Variants in COL28A1 observed in about 807,000 individuals in gnomAD.
COL28A1 encodes the protein collagen alpha-1(XXVIII) chain.
COL28A1 carries 161 observed loss-of-function variants against 150.2 expected under a neutral mutation model. The ratio of observed to expected loss-of-function variants is 1.07; its 90% CI spans 0.94 to 1.22. The LOEUF is 1.22. Ranked by LOEUF, COL28A1 falls within the 50% of genes most tolerant of loss-of-function variation. The probability of loss-of-function intolerance (pLI) is 0.00; values close to 1 mark genes in which losing one functional copy is unlikely to be tolerated. For synonymous variants in COL28A1, 552 were observed against 469.7 expected, an observed-to-expected ratio of 1.18 and a Z score of -2.26; for missense variants, 1,617 against 1,388.3, an observed-to-expected ratio of 1.16 and a Z score of -2.62.
In COL28A1 at chr7:7,358,090, G is replaced by A. The variant is rs1429092475; in HGVS notation, c.*543C>T. The A allele has an allele frequency of 3.9e-5, 6 of 152,270 alleles. No individual in the cohort carries two copies. The highest frequency in any genetic ancestry group is 7.3e-5 in the Non-Finnish European group (5 of 68,080). The allele number at this position is 152,270 out of a possible 1,614,324, so 9.4% of individuals were successfully genotyped here. ...CTCCCTATTACCACTTTCAGGGCAA[G>A]TGAGGCAAAAATCTAACTACCCTCA... On this transcript the variant is annotated 3_prime_UTR_variant, in exon 35 of 35. Coordinates refer to ENST00000399429, the MANE Select transcript of COL28A1 (RefSeq NM_001037763.3).
chr7:7,368,891 C>T (rs1583226303), intron 33 of COL28A1, among the ~76,000 whole-genome samples: 2 of 152,204 alleles, frequency 1.3e-5, no homozygotes, highest in Admixed American at 6.5e-5. Context: ...CTCTGTGCTT[C>T]CTTCATAGCT....
At chr7:7,508,885 G>C (rs1489697875) in intron 9 of COL28A1, among the ~76,000 whole-genome samples, 5 of 151,974 alleles carry the variant, frequency 3.3e-5, no homozygotes, top group Admixed American at 2.6e-4. Context: ...CCAGGCTGGA[G>C]TGCAATGGCA....
intron 25 of COL28A1, among the ~76,000 whole-genome samples, chr7:7,427,046 C>T (rs953412725): frequency 6.6e-6 from 1 of 152,128 alleles, no homozygotes; most frequent in African/African-American, 2.4e-5. Flanking sequence ...CATGTGTCTC[C>T]AGGGCTGAAG....
intron 27 of COL28A1, among the ~76,000 whole-genome samples, chr7:7,394,499 T>C (rs1234279136): frequency 1.3e-5 from 2 of 152,238 alleles, no homozygotes; most frequent in African/African-American, 4.8e-5. Flanking sequence ...ATTTAACTTA[T>C]TCTTAAATTC....
intron 3 of COL28A1, among the ~76,000 whole-genome samples, chr7:7,525,696 C>T (rs1415798816): frequency 6.6e-6 from 1 of 152,116 alleles, no homozygotes; most frequent in Admixed American, 6.5e-5. Flanking sequence ...CAAACTAATA[C>T]TATAGAGGGA....
intron 30 of COL28A1, among the ~76,000 whole-genome samples, chr7:7,380,121 C>T (rs1011389635): frequency 4.6e-5 from 7 of 152,146 alleles, no homozygotes; most frequent in African/African-American, 1.4e-4. Context: ...GCCTTCCACT[C>T]ATGAGACTTT....
At chr7:7,503,370 A>C (rs1780639348) in intron 11 of COL28A1, among the ~76,000 whole-genome samples, 1 of 152,246 alleles carries the variant, frequency 6.6e-6, no homozygotes, top group Non-Finnish European at 1.5e-5. Context: ...CTTATACATA[A>C]TAAATATACA....
At chr7:7,349,905 T>C in the COL28A1 span, among the ~76,000 whole-genome samples, 2 of 152,076 alleles carry the variant, frequency 1.3e-5, no homozygotes, top group Non-Finnish European at 2.9e-5. Context: ...GGGAAATGAA[T>C]AGTGCTCTCA....
At chr7:7,459,976 T>TA (rs1787480554) in intron 15 of COL28A1, among the ~76,000 whole-genome samples, 1 of 152,244 alleles carries the variant, frequency 6.6e-6, no homozygotes, top group African/African-American at 2.4e-5. Context: ...CTGCTACTTC[T>TA]ATCAGTTATG....
chr7:7,378,735 G>A (rs554282088), intron 30 of COL28A1, among the ~76,000 whole-genome samples: 17 of 152,268 alleles, frequency 1.1e-4, no homozygotes, highest in South Asian at 6.2e-4. Context: ...GACTTTGGGC[G>A]TAATGTCCAA....
intron 13 of COL28A1, among the ~76,000 whole-genome samples, chr7:7,484,456 A>T (rs545912245): frequency 1.3e-5 from 2 of 152,322 alleles, no homozygotes; most frequent in South Asian, 4.1e-4. Flanking sequence ...AGCCAAGAAG[A>T]AAAGAGAAAT....
intron 18 of COL28A1, among the ~76,000 whole-genome samples, chr7:7,448,895 C>T (rs1280963759): frequency 6.6e-6 from 1 of 151,912 alleles, no homozygotes; most frequent in Non-Finnish European, 1.5e-5. Flanking sequence ...GCAAACTAGT[C>T]TATGATGACA....
the COL28A1 span, among the ~76,000 whole-genome samples, chr7:7,543,083 AAAT>A: frequency 3.9e-5 from 6 of 152,228 alleles, no homozygotes; most frequent in Non-Finnish European, 5.9e-5. Context: ...TAAAATTTTC[AAAT>A]AATAATAAAA....
intron 18 of COL28A1, among the ~76,000 whole-genome samples, chr7:7,450,818 T>C (rs889643833): frequency 1.6e-4 from 25 of 152,244 alleles, no homozygotes; most frequent in African/African-American, 5.8e-4. Flanking sequence ...AAATGAGATA[T>C]TTTCATACAG....
chr7:7,538,917 G>A (rs542430397), upstream of COL28A1, among the ~76,000 whole-genome samples: 1 of 150,002 alleles, frequency 6.7e-6, no homozygotes, highest in Non-Finnish European at 1.5e-5. Flanking sequence ...CTGATTTGAA[G>A]AAATTTGTTC....
intron 25 of COL28A1, among the ~76,000 whole-genome samples, chr7:7,430,855 C>T (rs977511282): frequency 2.0e-4 from 30 of 152,132 alleles, no homozygotes; most frequent in African/African-American, 7.2e-4. Flanking sequence ...GAGGCTTATT[C>T]AAGGATCTGA....
Position 7,502,864 on chromosome 7 carries a change from ATTTTTTGTATT to A in COL28A1, c.1026+3139_1026+3149del, listed in dbSNP as rs2115102680. Among the ~76,000 whole-genome samples the A allele has an allele frequency of 2.1e-5, 2 of 96,302 alleles. 1 individual carries two copies. Among genetic ancestry groups the A allele is most frequent in the Non-Finnish European group, 3.7e-5 (2 of 54,426 alleles). 63.2% of individuals were successfully genotyped at this position (96,302 alleles called of 152,430 possible). A position where few individuals can be genotyped will look rare whatever the true frequency, so the allele number is the denominator to read the frequency against. On this transcript the variant is annotated intron_variant, in intron 11 of 34. Transcript: ENST00000399429. The stretch of plus-strand genomic sequence containing the variant: ...AGGCGCCCGCTACCACGCCCGGCTA[ATTTTTTGTATT>A]TTTAGTAGAGACGGGGTTTCACCGT...
chr7:7,536,504 T>C (rs1782644239), upstream of COL28A1, among the ~76,000 whole-genome samples: 1 of 152,122 alleles, frequency 6.6e-6, no homozygotes, highest in Non-Finnish European at 1.5e-5. Flanking sequence ...TTTTGGTCTC[T>C]CTCTAGGAAA....
chr7:7,352,808 G>A (rs1424751945), downstream of COL28A1, among the ~76,000 whole-genome samples: 2 of 152,166 alleles, frequency 1.3e-5, no homozygotes, highest in East Asian at 3.8e-4. Context: ...AGCAGCAAAA[G>A]GAAATTAATG....
Sources: gnomAD v4.1 joint callset for allele counts (sites outside exome capture counted in the v4.1 genomes callset) on GRCh38, gnomAD v4.1.1 for gene constraint, MANE v1.5 for transcripts, NCBI Gene and HGNC (gene_info 2026-07-23, HGNC 2026-07-21) for gene names.